R3HDM1: variants seen among roughly 807,000 people sequenced by gnomAD.
The protein encoded by R3HDM1 is R3H domain-containing protein 1.
In R3HDM1, 46 loss-of-function variants were observed where a neutral mutation model predicts 141.1. The observed-to-expected ratio is 0.33, with a 90% CI of 0.26 to 0.42. The LOEUF (loss-of-function observed/expected upper bound fraction) is 0.42. R3HDM1 is among the 10% of genes least tolerant of loss of function. The probability of loss-of-function intolerance (pLI) is 1.00; values close to 1 mark genes in which losing one functional copy is unlikely to be tolerated. For synonymous variants in R3HDM1, 435 were observed against 472.9 expected (o/e 0.92, Z 1.04); for missense variants, 1,184 against 1,368.3 (o/e 0.87, Z 2.12).
intron 18 of R3HDM1, among the ~76,000 whole-genome samples, chr2:135,653,888 TTC>T (rs2065449498): frequency 6.6e-6 from 1 of 152,182 alleles, no homozygotes; most frequent in Non-Finnish European, 1.5e-5. Flanking sequence ...AGAATTTGTG[TTC>T]TAATATTTTA....
At chr2:135,718,672 G>T (rs2076397432) in intron 24 of R3HDM1, among the ~76,000 whole-genome samples, 4 of 152,080 alleles carry the variant, frequency 2.6e-5, no homozygotes, top group Admixed American at 2.6e-4. Flanking sequence ...GGTAGAGACA[G>T]GGTTTCACCA....
chr2:135,548,595 C>A (rs1699230421), intron 1 of R3HDM1, among the ~76,000 whole-genome samples: 1 of 152,128 alleles, frequency 6.6e-6, no homozygotes, highest in Non-Finnish European at 1.5e-5. Flanking sequence ...CACCCCATAC[C>A]CCAAGAGGCA....
intron 17 of R3HDM1, 138 bp from the exon 18 acceptor site, chr2:135,651,592 C>T: frequency 7.8e-7 from 1 of 1,274,414 alleles, no homozygotes; most frequent in Non-Finnish European, 1.0e-6. Context: ...TACCCTATTA[C>T]ATAATTGCTG....
rs995691353 is a variant in R3HDM1 at position 135,657,178 on chromosome 2, G to A, written c.2029-4092G>A. Among the ~76,000 whole-genome samples, 120 of 149,360 alleles carry A rather than the reference G, an allele frequency of 8.0e-4. 3 individuals are homozygous for A. The highest frequency in any genetic ancestry group is 7.5e-3 in the Admixed American group (112 of 14,968). On this transcript the variant is annotated intron_variant, in intron 18 of 26. Coordinates refer to ENST00000683871, the MANE Select transcript of R3HDM1 (RefSeq NM_001378107.1). ...AGCACTTTGGGAGGCTGAGATGTAC[G>A]GATCACTTGAGGTCAGGAGTTCGAA...
chr2:135,672,071 G>A (rs2068464057), intron 19 of R3HDM1, among the ~76,000 whole-genome samples: 1 of 152,072 alleles, frequency 6.6e-6, no homozygotes, highest in African/African-American at 2.4e-5. Context: ...ATAAGAGAAT[G>A]GACAAAATCG....
rs143470699 is a variant in R3HDM1, at chr2:135,616,741, T to G, written c.287T>G (p.Ile96Arg). The G allele has an allele frequency of 1.3e-4, 207 of 1,604,600 alleles. No individual in the cohort carries two copies. Among genetic ancestry groups the G allele is most frequent in the Non-Finnish European group, 1.7e-4 (198 of 1,173,552 alleles). ...EESPPPPAPE[I>R]SQENQEKIQI... is the part of the protein sequence containing the mutation. Reference sequence around the variant, plus strand: ...TCTCCACCACCCCCTGCACCAGAGATATCACAGGAGAACCAGGTAAAAAAG... The same window carrying G: ...TCTCCACCACCCCCTGCACCAGAGAGATCACAGGAGAACCAGGTAAAAAAG... The change falls in exon 5 of 27, where the codon ATA (isoleucine) becomes AGA (arginine). Residue 96 changes from isoleucine to arginine, a missense_variant. Transcript: ENST00000683871.
intron 10 of R3HDM1, 21 bp downstream of exon 10, chr2:135,636,019 G>A (rs1442853424): frequency 6.2e-7 from 1 of 1,608,562 alleles, no homozygotes; most frequent in African/African-American, 1.3e-5. Context: ...ACAATTGTAG[G>A]ATTTGTATAG....
intron 7 of R3HDM1, among the ~76,000 whole-genome samples, chr2:135,630,281 C>CAAAAAAAAAAAAAAAAAAAAAAAAAAAA (rs911009655): frequency 2.5e-5 from 1 of 39,298 alleles, no homozygotes; most frequent in African/African-American, 9.2e-5. Flanking sequence ...CCTTCTCAAC[C>CAAAAAAAAAAAAAAAAAAAAAAAAAAAA]AAAAAAAAAA....
intron 19 of R3HDM1, chr2:135,667,914 A>G (rs1017266216): frequency 5.7e-6 from 2 of 352,398 alleles, no homozygotes; most frequent in Non-Finnish European, 4.0e-6. Flanking sequence ...GTAACGGTTC[A>G]TGCCCAGCAG....
At chr2:135,640,936 A>G (rs1047880125) in intron 14 of R3HDM1, among the ~76,000 whole-genome samples, 1 of 152,230 alleles carries the variant, frequency 6.6e-6, no homozygotes, top group African/African-American at 2.4e-5. Context: ...TACTTGGAAT[A>G]TATTTCATGG....
chr2:135,547,696 A>G (rs973611603), intron 1 of R3HDM1, among the ~76,000 whole-genome samples: 1 of 143,286 alleles, frequency 7.0e-6, no homozygotes, highest in African/African-American at 2.6e-5. Flanking sequence ...AGTCTGAGAT[A>G]TTTTCCCGAG....
chr2:135,562,351 T>C (rs1701954675), intron 1 of R3HDM1, among the ~76,000 whole-genome samples: 1 of 152,216 alleles, frequency 6.6e-6, no homozygotes. Flanking sequence ...ATATAGTCTG[T>C]AGTATATTAA....
chr2:135,712,155 C>G (rs1444337227), intron 23 of R3HDM1, among the ~76,000 whole-genome samples: 3 of 152,032 alleles, frequency 2.0e-5, no homozygotes, highest in African/African-American at 7.2e-5. Context: ...CTTTTATATA[C>G]TTGAAATTTT....
chr2:135,583,472 T>C (rs2105035934), intron 1 of R3HDM1, among the ~76,000 whole-genome samples: 1 of 152,328 alleles, frequency 6.6e-6, no homozygotes, highest in South Asian at 2.1e-4. Flanking sequence ...GTAGAAAACA[T>C]ACCTTTGAAA....
intron 3 of R3HDM1, among the ~76,000 whole-genome samples, chr2:135,609,935 T>C (rs1431376257): frequency 6.6e-6 from 1 of 151,956 alleles, no homozygotes; most frequent in Non-Finnish European, 1.5e-5. Flanking sequence ...TCCCAGCTAC[T>C]CAAGAGGCTG....
chr2:135,587,925 C>T (rs1257909963), intron 1 of R3HDM1, among the ~76,000 whole-genome samples: 6 of 151,832 alleles, frequency 4.0e-5, no homozygotes, highest in African/African-American at 1.5e-4. Flanking sequence ...TTTTTCTCCC[C>T]CTCTCCCTCT....
chr2:135,699,542 A>T (rs2073937599), intron 21 of R3HDM1, among the ~76,000 whole-genome samples: 1 of 152,216 alleles, frequency 6.6e-6, no homozygotes, highest in Admixed American at 6.5e-5. Context: ...GGGTAGATGG[A>T]TAGATATGGC....
At chr2:135,628,335 A>G (rs915127119) in intron 7 of R3HDM1, among the ~76,000 whole-genome samples, 17 of 152,314 alleles carry the variant, frequency 1.1e-4, no homozygotes, top group African/African-American at 3.4e-4. Context: ...AACAAGTGCT[A>G]CTAAAAGCAG....
intron 11 of R3HDM1, among the ~76,000 whole-genome samples, chr2:135,637,106 C>T (rs889985217): frequency 1.3e-5 from 2 of 152,134 alleles, no homozygotes; most frequent in Non-Finnish European, 2.9e-5. Context: ...GTCCTTCTCT[C>T]TAGTTTATAA....
Sources: gnomAD v4.1 joint callset for allele counts (sites outside exome capture counted in the v4.1 genomes callset) on GRCh38, gnomAD v4.1.1 for gene constraint, MANE v1.5 for transcripts, NCBI Gene and HGNC (gene_info 2026-07-23, HGNC 2026-07-21) for gene names.